The following EEF1AKMT2 variants were observed in gnomAD, a reference collection of about 807,000 sequenced individuals.
EEF1AKMT2 encodes the protein eukaryotic translation elongation factor 1 alpha lysine methyltransferase 2.
EEF1AKMT2 carries 32 observed loss-of-function variants against 35.8 expected under a neutral mutation model. The observed-to-expected ratio is 0.89, with a 90% confidence interval of 0.67 to 1.20. The LOEUF is 1.20. Among genes scored for constraint, EEF1AKMT2 ranks in the 50% most tolerant of loss-of-function variants. The pLI, the probability that EEF1AKMT2 is intolerant of heterozygous loss-of-function variation, is 0.00. For synonymous variants in EEF1AKMT2, 121 were observed against 133.7 expected (o/e 0.91, Z 0.65); for missense variants, 330 against 347.5 (o/e 0.95, Z 0.40).
rs578079151 is a variant in EEF1AKMT2 at position 124,785,220 on chromosome 10, C to G, written c.291+3823G>C. ...CAAGATCATGCCACTGCACTCTAGCCTGGGTGACAGAGCAAGACTCCGTCT... is the reference window on the plus strand; with the variant it reads ...CAAGATCATGCCACTGCACTCTAGCGTGGGTGACAGAGCAAGACTCCGTCT... On this transcript the variant is annotated intron_variant, in intron 3 of 6. Coordinates refer to ENST00000368836, the MANE Select transcript of EEF1AKMT2 (RefSeq NM_212554.4). Among the ~76,000 whole-genome samples the G allele has an allele frequency of 8.2e-4, 107 of 130,294 alleles. 1 individual carries two copies. In the South Asian group the frequency reaches 0.023, roughly 28 times the overall value. 85.5% of individuals were successfully genotyped at this position (130,294 alleles called of 152,430 possible). A position where few individuals can be genotyped will look rare whatever the true frequency, so the allele number is the denominator to read the frequency against.
chr10:124,783,128 G>A (rs896606841), intron 3 of EEF1AKMT2, among the ~76,000 whole-genome samples: 1 of 143,656 alleles, frequency 7.0e-6, no homozygotes, highest in Non-Finnish European at 1.5e-5. Flanking sequence ...TGAGGATATA[G>A]GGAAAAACCT....
chr10:124,783,883 G>A (rs545769323), intron 3 of EEF1AKMT2, among the ~76,000 whole-genome samples: 15 of 152,196 alleles, frequency 9.9e-5, no homozygotes, highest in African/African-American at 2.6e-4. Flanking sequence ...GGAGTGCAAC[G>A]GTGCAATCTC....
chr10:124,787,571 G>C lies in EEF1AKMT2; in HGVS notation c.291+1472C>G, dbSNP rs985418259. ...TTTTGTTCATGATTGGTAGATAGTG[G>C]TTACTTTTAAAAAGGAAGGAGGGCC... On this transcript the variant is annotated intron_variant, in intron 3 of 6. Transcript: ENST00000368836. Among the ~76,000 whole-genome samples the C allele has an allele frequency of 4.6e-5, 7 of 151,328 alleles. No individual in the cohort carries two copies. The South Asian group carries it at 8.4e-4, about 18-fold the overall frequency.
chr10:124,780,256 T>C (rs1950528944), intron 3 of EEF1AKMT2, among the ~76,000 whole-genome samples: 1 of 152,192 alleles, frequency 6.6e-6, no homozygotes, highest in Admixed American at 6.5e-5. Context: ...ACCCGTAGAC[T>C]GTGGTTTGCT....
In EEF1AKMT2 at chr10:124,791,823, C is replaced by T. The variant is rs754570356; in HGVS notation, c.11G>A (p.Gly4Asp). 5.7e-6 allele frequency: 9 copies of T among 1,581,052 alleles called. No homozygotes were observed. Among genetic ancestry groups the T allele is most frequent in the African/African-American group, 5.4e-5 (4 of 74,264 alleles). MSS[G>D]ADGGGGAAVA... is the part of the protein sequence containing the mutation. ...CGCAGCGCCACCGCCGCCGTCAGCG[C>T]CCGAGCTCATTTCGCTCCACGTCCT... The change falls in exon 1 of 7, where the codon GGC (glycine) becomes GAC (aspartate). Residue 4 changes from glycine (G) to aspartate (D), a missense_variant. Gly to Asp is a moderately conservative substitution (Grantham distance 94). Coordinates refer to ENST00000368836, the MANE Select transcript of EEF1AKMT2 (RefSeq NM_212554.4).
At chr10:124,778,499 G>T (rs547076839) in intron 3 of EEF1AKMT2, among the ~76,000 whole-genome samples, 1 of 151,884 alleles carries the variant, frequency 6.6e-6, no homozygotes, top group Non-Finnish European at 1.5e-5. Flanking sequence ...CAAGGCAGGC[G>T]GATCACCTAA....
At chr10:124,782,844 AAAC>A in intron 3 of EEF1AKMT2, 1 of 239,736 alleles carries the variant, frequency 4.2e-6, no homozygotes, top group Non-Finnish European at 8.6e-6. Flanking sequence ...AAAAAAGGGA[AAAC>A]AATAAAATGT....
chr10:124,789,758 T>C, intron 2 of EEF1AKMT2, among the ~76,000 whole-genome samples: 1 of 138,634 alleles, frequency 7.2e-6, no homozygotes, highest in African/African-American at 2.8e-5. Context: ...ACCCCACCTC[T>C]CTAAAAAAAA....
intron 3 of EEF1AKMT2, among the ~76,000 whole-genome samples, chr10:124,786,791 C>T (rs1037046468): frequency 6.6e-6 from 1 of 151,354 alleles, no homozygotes; most frequent in Non-Finnish European, 1.5e-5. Flanking sequence ...GCCTGGGCTA[C>T]AGAGTGAAAC....
rs562239710 is a variant in EEF1AKMT2, at chr10:124,782,268, G to A, written c.291+6775C>T. On this transcript the variant is annotated intron_variant, in intron 3 of 6. Coordinates refer to ENST00000368836, the MANE Select transcript of EEF1AKMT2 (RefSeq NM_212554.4). ...TCCCAGCACAAAGGGAGGCTGAGGC[G>A]GGCAGATCACCTGAGGTCAAGAGTT... Among the ~76,000 whole-genome samples the A allele has an allele frequency of 8.0e-4, 121 of 151,820 alleles. 3 individuals are homozygous for A. In the South Asian group the frequency reaches 0.021, roughly 26 times the overall value.
chr10:124,760,700 T>C (rs1191482377), intron 6 of EEF1AKMT2, among the ~76,000 whole-genome samples, 197 bp from the exon 7 acceptor site: 2 of 152,200 alleles, frequency 1.3e-5, no homozygotes, highest in Non-Finnish European at 2.9e-5. Flanking sequence ...CCAAAATCAC[T>C]TTGAATTTAA....
intron 4 of EEF1AKMT2, among the ~76,000 whole-genome samples, chr10:124,773,396 T>TA (rs1950456767): frequency 6.6e-6 from 1 of 152,098 alleles, no homozygotes; most frequent in Admixed American, 6.6e-5. Flanking sequence ...CACACCTGGC[T>TA]ATTTTTTGTA....
In EEF1AKMT2 at chr10:124,791,742, G is replaced by T; in HGVS notation, c.92C>A (p.Ala31Glu). ...SPGEDGFVPS[A>E]LGTREHWDAV... ...CACTCACTGCTCGCGGGTCCCCAGC[G>T]CCGACGGGACGAAACCGTCCTCCCC... is the stretch of plus-strand genomic sequence containing the variant. Residue 31 changes from alanine (A) to glutamate (E), a missense_variant, in exon 1 of 7, where the codon GCG becomes GAG. Coordinates refer to ENST00000368836, the MANE Select transcript of EEF1AKMT2 (RefSeq NM_212554.4). The T allele has an allele frequency of 6.3e-7, 1 of 1,590,202 alleles. No individual in the cohort carries two copies.
intron 4 of EEF1AKMT2, among the ~76,000 whole-genome samples, chr10:124,766,636 T>C (rs752362881): frequency 2.6e-5 from 4 of 152,214 alleles, no homozygotes; most frequent in Admixed American, 2.6e-4. Context: ...TAAAACTCTA[T>C]TGACTTAAAA....
At chr10:124,782,319 A>C (rs1950546824) in intron 3 of EEF1AKMT2, among the ~76,000 whole-genome samples, 1 of 152,082 alleles carries the variant, frequency 6.6e-6, no homozygotes, top group Non-Finnish European at 1.5e-5. Flanking sequence ...GCGGTGGCTC[A>C]CGCCTGTAAT....
chr10:124,785,886 ACT>A (rs1360613569), intron 3 of EEF1AKMT2, among the ~76,000 whole-genome samples: 5 of 119,242 alleles, frequency 4.2e-5, no homozygotes, highest in South Asian at 3.2e-4. Flanking sequence ...ACAGAGCGAG[ACT>A]CTGTCTCAAA....
At chr10:124,772,827 A>G (rs1950450119) in intron 4 of EEF1AKMT2, among the ~76,000 whole-genome samples, 1 of 152,204 alleles carries the variant, frequency 6.6e-6, no homozygotes, top group Admixed American at 6.5e-5. Context: ...CAGAATTGAA[A>G]AGAGTCAAGG....
chr10:124,774,758 T>C lies in EEF1AKMT2; in HGVS notation c.316A>G (p.Thr106Ala). 2.0e-6 allele frequency: 3 copies of C among 1,479,564 alleles called. No individual in the cohort carries two copies. Among genetic ancestry groups the C allele is most frequent in the Non-Finnish European group, 2.7e-6 (3 of 1,119,260 alleles). 91.7% of individuals were successfully genotyped at this position (1,479,564 alleles called of 1,614,324 possible). Residue 106 changes from threonine (T) to alanine (A), a missense_variant, in exon 4 of 7, where the codon ACT becomes GCT. Transcript: ENST00000368836. Reference protein sequence around the residue: ...ELAKFGFSNITGIDYSPSAIQ... With the variant: ...ELAKFGFSNIAGIDYSPSAIQ... ...GCAGAAGGAGAGTAATCAATTCCAG[T>C]AATATTAGAGAAACCAAATTTTGCC...
downstream of EEF1AKMT2, among the ~76,000 whole-genome samples, chr10:124,756,350 A>AGTG (rs1261071024): frequency 1.3e-5 from 2 of 152,220 alleles, no homozygotes; most frequent in African/African-American, 4.8e-5. Context: ...TCTCTTTTAC[A>AGTG]GTGGTATCAG....
Sources: allele counts gnomAD v4.1 joint callset (sites outside exome capture counted in the v4.1 genomes callset), GRCh38; gene constraint gnomAD v4.1.1; transcripts MANE v1.5; gene names NCBI Gene and HGNC (gene_info 2026-07-23, HGNC 2026-07-21).